Variants in NGEF observed in about 807,000 individuals in gnomAD.
NGEF encodes the protein neuronal guanine nucleotide exchange factor.
In NGEF, 31 loss-of-function variants were observed where a neutral mutation model predicts 80.9. That is an observed-to-expected ratio of 0.38 (90% CI 0.29 to 0.52). The LOEUF is 0.52. Ranked by LOEUF, NGEF falls within the 20% of genes least tolerant of loss-of-function variation. NGEF has a pLI of 0.84. For synonymous variants in NGEF, 371 were observed against 370.2 expected (o/e 1.00, Z -0.03); for missense variants, 709 against 926.2 (o/e 0.77, Z 3.04).
chr2:232,970,093 A>G (rs1448396033), intron 3 of NGEF, 121 bp downstream of exon 3: 1 of 476,766 alleles, frequency 2.1e-6, no homozygotes, highest in Non-Finnish European at 3.6e-6. Context: ...AGCACGGGCA[A>G]CCAAAAGTTA....
At chr2:232,971,570 G>A (rs1276710928) in intron 2 of NGEF, among the ~76,000 whole-genome samples, 3 of 152,120 alleles carry the variant, frequency 2.0e-5, no homozygotes, top group Non-Finnish European at 2.9e-5. Flanking sequence ...CTGTGGTCCC[G>A]GTTACTTGGG....
At chr2:232,905,284 G>C (rs1408633532) in intron 5 of NGEF, among the ~76,000 whole-genome samples, 1 of 152,136 alleles carries the variant, frequency 6.6e-6, no homozygotes, top group Non-Finnish European at 1.5e-5. Flanking sequence ...GTATTTTTTT[G>C]GTGGAAACGG....
At chr2:232,899,605 TTCAC>T (rs34052012) in intron 5 of NGEF, among the ~76,000 whole-genome samples, 21,636 of 141,932 alleles carry the variant, frequency 0.15, 2,229 homozygotes, top group Non-Finnish European at 0.21. Flanking sequence ...TTCACTCACA[TTCAC>T]TCACACACAC....
At chr2:233,012,682 T>G in intron 1 of NGEF, 1 of 367,598 alleles carries the variant, frequency 2.7e-6, no homozygotes, top group Non-Finnish European at 5.3e-6. Flanking sequence ...CCGGCTTGCT[T>G]TAATGCTGTG....
chr2:233,006,349 A>G (rs1035066301), intron 1 of NGEF, among the ~76,000 whole-genome samples: 6 of 152,222 alleles, frequency 3.9e-5, no homozygotes, highest in African/African-American at 1.4e-4. Context: ...GAGGGAAGTC[A>G]TCATTGGGTC....
intron 3 of NGEF, among the ~76,000 whole-genome samples, chr2:232,933,619 T>A (rs551060290): frequency 3.0e-4 from 46 of 152,288 alleles, no homozygotes; most frequent in African/African-American, 1.1e-3. Flanking sequence ...CTGTGACAGG[T>A]CCCTCACCAG....
intron 5 of NGEF, among the ~76,000 whole-genome samples, chr2:232,905,354 T>C (rs1380744929): frequency 7.0e-6 from 1 of 143,540 alleles, no homozygotes; most frequent in Non-Finnish European, 1.5e-5. Context: ...TCCGCCAGCC[T>C]CGGCCTCCCG....
chr2:233,003,842 G>A (rs943366499), intron 1 of NGEF, among the ~76,000 whole-genome samples: 1 of 152,168 alleles, frequency 6.6e-6, no homozygotes, highest in African/African-American at 2.4e-5. Context: ...ACACACTGCA[G>A]GTGTTCAAAT....
intron 1 of NGEF, among the ~76,000 whole-genome samples, chr2:233,004,296 C>G (rs1454507786): frequency 6.6e-6 from 1 of 152,190 alleles, no homozygotes; most frequent in Admixed American, 6.5e-5. Context: ...GCTCTGCTTC[C>G]CAATGACCCC....
intron 4 of NGEF, among the ~76,000 whole-genome samples, chr2:232,924,643 CA>C (rs1693021844): frequency 6.6e-6 from 1 of 152,202 alleles, no homozygotes; most frequent in Non-Finnish European, 1.5e-5. Context: ...TCTTGTAACA[CA>C]AGGCCCACCT....
At chr2:232,898,212 A>C (rs1049988269) in intron 5 of NGEF, among the ~76,000 whole-genome samples, 6 of 152,264 alleles carry the variant, frequency 3.9e-5, no homozygotes, top group African/African-American at 1.4e-4. Flanking sequence ...GAATGATACC[A>C]AGGGGAAAAC....
chr2:232,916,463 TA>T lies in NGEF; in HGVS notation c.828+3820del, dbSNP rs557577323. Among the ~76,000 whole-genome samples, 67 of 151,702 alleles carry T rather than the reference TA, an allele frequency of 4.4e-4. No individual in the cohort carries two copies. The South Asian group carries it at 4.8e-3, about 11-fold the overall frequency. Reference sequence around the variant, plus strand: ...TGCAGGAGAAAACATTTGAAAATATTAAAAAAAAGAATTAATATCCAGAAGG... The same window carrying T: ...TGCAGGAGAAAACATTTGAAAATATTAAAAAAAGAATTAATATCCAGAAGG... On this transcript the variant is annotated intron_variant, in intron 5 of 14. Transcript: ENST00000264051.
In NGEF at chr2:232,928,115, C is replaced by G; in HGVS notation, c.384-929G>C. 2.9e-6 allele frequency: 3 copies of G among 1,024,858 alleles called. No individual in the cohort carries two copies. The South Asian group carries it at 1.3e-4, about 46-fold the overall frequency. 63.5% of individuals were successfully genotyped at this position (1,024,858 alleles called of 1,614,324 possible). On this transcript the variant is annotated intron_variant, in intron 3 of 14. Transcript: ENST00000264051. ...GGGGTCGCAGCGCGCGCGGCTCGAC[C>G]GGAGCTGCAGCCGCCGCCGCCACCG... is the stretch of plus-strand genomic sequence containing the variant.
chr2:232,890,475 G>A (rs892113020), intron 8 of NGEF, among the ~76,000 whole-genome samples: 3 of 152,206 alleles, frequency 2.0e-5, no homozygotes, highest in East Asian at 1.9e-4. Context: ...TGATGCCAGC[G>A]AGTCCTGCCC....
intron 8 of NGEF, 127 bp from the exon 9 acceptor site, chr2:232,888,234 A>ACACG (rs72427034): frequency 1.9e-5 from 12 of 630,092 alleles, no homozygotes; most frequent in Middle Eastern, 2.6e-4. Context: ...ACACACACAC[A>ACACG]CACGCACGCA....
rs9752833 is a variant in NGEF, at chr2:232,896,995, G to A, written c.829-2079C>T. 5.8e-3 allele frequency among the ~76,000 whole-genome samples: 755 copies of A among 130,268 alleles called. 15 individuals carry two copies. The highest frequency in any genetic ancestry group is 0.022 in the African/African-American group (697 of 31,900). 85.5% of individuals were successfully genotyped at this position (130,268 alleles called of 152,430 possible). A position where few individuals can be genotyped will look rare whatever the true frequency, so the allele number is the denominator to read the frequency against. On this transcript the variant is annotated intron_variant, in intron 5 of 14. Coordinates refer to ENST00000264051, the MANE Select transcript of NGEF (RefSeq NM_019850.3). ...GTGGTGGGGTTAAGGGTGAGGTAGGGGTGCGGGTGAGGGTAGGGGCGAGTG... is the reference window on the plus strand; with the variant it reads ...GTGGTGGGGTTAAGGGTGAGGTAGGAGTGCGGGTGAGGGTAGGGGCGAGTG...
At position 232,967,557 on chromosome 2, in the gene NGEF, A is replaced by C. The variant is rs141166333; in HGVS notation, c.383+2657T>G. On this transcript the variant is annotated intron_variant, in intron 3 of 14. Coordinates refer to ENST00000264051, the MANE Select transcript of NGEF (RefSeq NM_019850.3). ...GTCATATTGGCCAGGCTAGTCTTGAACTCCTGACCTCATGTGATCCTCCTA... is the reference window on the plus strand; with the variant it reads ...GTCATATTGGCCAGGCTAGTCTTGACCTCCTGACCTCATGTGATCCTCCTA... Among the ~76,000 whole-genome samples, 475 of 150,716 alleles carry C rather than the reference A, an allele frequency of 3.2e-3. 5 individuals carry two copies. The highest frequency in any genetic ancestry group is 0.01 in the African/African-American group (414 of 40,956).
intron 3 of NGEF, among the ~76,000 whole-genome samples, chr2:232,955,733 G>A (rs529593402): frequency 3.4e-4 from 52 of 152,244 alleles, no homozygotes; most frequent in Non-Finnish European, 6.5e-4. Flanking sequence ...TGGCCAGGCT[G>A]GTCCTGAACT....
chr2:232,893,678 G>A (rs1023365876), intron 6 of NGEF, among the ~76,000 whole-genome samples: 1 of 152,198 alleles, frequency 6.6e-6, no homozygotes, highest in African/African-American at 2.4e-5. Flanking sequence ...GGGAGGTTGA[G>A]GCAGGAGAAT....
Sources: gnomAD v4.1 joint callset for allele counts (sites outside exome capture counted in the v4.1 genomes callset) on GRCh38, gnomAD v4.1.1 for gene constraint, MANE v1.5 for transcripts, NCBI Gene and HGNC (gene_info 2026-07-23, HGNC 2026-07-21) for gene names.